Variants in CCDC141 observed in about 807,000 individuals in gnomAD.
CCDC141 encodes the protein coiled-coil domain-containing protein 141.
Under a neutral mutation model 181.0 loss-of-function variants are expected in CCDC141, and 168 were observed. That is an observed-to-expected ratio of 0.93 (90% CI 0.82 to 1.05). The LOEUF (loss-of-function observed/expected upper bound fraction) is 1.05. Ranked by LOEUF, CCDC141 falls within the 50% of genes least tolerant of loss-of-function variation. The pLI, the probability that CCDC141 is intolerant of heterozygous loss-of-function variation, is 0.00. For missense variants in CCDC141, 1,902 were observed against 1,788.5 expected, an observed-to-expected ratio of 1.06 and a Z score of -1.14; for synonymous variants, 666 against 642.3, an observed-to-expected ratio of 1.04 and a Z score of -0.56.
intron 6 of CCDC141, among the ~76,000 whole-genome samples, chr2:178,929,629 CA>C (rs538597162): frequency 2.4e-4 from 37 of 152,026 alleles, no homozygotes; most frequent in Non-Finnish European, 5.4e-4. Flanking sequence ...CAAACAACAA[CA>C]AAAAAATTAA....
intron 8 of CCDC141, among the ~76,000 whole-genome samples, chr2:178,893,744 T>C (rs1351243215): frequency 6.6e-6 from 1 of 151,964 alleles, no homozygotes; most frequent in Admixed American, 6.6e-5. Context: ...TAAATTTGAT[T>C]CTTATTTAAG....
chr2:178,828,782 G>A (rs946504545), downstream of CCDC141, among the ~76,000 whole-genome samples: 10 of 152,272 alleles, frequency 6.6e-5, no homozygotes, highest in Non-Finnish European at 1.5e-4. Flanking sequence ...CATAATATGC[G>A]TTGGAGACAA....
At chr2:178,944,437 A>G in intron 6 of CCDC141, 98 bp downstream of exon 6, 1 of 484,734 alleles carries the variant, frequency 2.1e-6, no homozygotes, top group Non-Finnish European at 3.5e-6. Flanking sequence ...TTAATCAAAG[A>G]CAGTTCTCAG....
In CCDC141 at chr2:178,961,380, A is replaced by T; in HGVS notation, c.630T>A (p.Thr210=). 1 of 1,550,608 alleles carries T rather than the reference A, an allele frequency of 6.4e-7. No homozygotes were observed. The highest frequency in any genetic ancestry group is 8.7e-7 in the Non-Finnish European group (1 of 1,146,970). The change falls in exon 5 of 24, where the codon ACT becomes ACA. Residue 210 remains threonine (T), a synonymous_variant. Transcript: ENST00000443758. Reference sequence around the variant, plus strand: ...TCAGACAGCTGCTATGAGCTCCCTGAGTCAACTCAGGATTCACATTAGGTC... The same window carrying T: ...TCAGACAGCTGCTATGAGCTCCCTGTGTCAACTCAGGATTCACATTAGGTC... ...CEGPNVNPEL[T]QGAHSSCLKV...
intron 12 of CCDC141, chr2:178,877,730 C>T: frequency 1.8e-6 from 1 of 557,974 alleles, no homozygotes; most frequent in East Asian, 3.1e-5. Context: ...ATTTGGATTA[C>T]AGTCACTTTC....
At chr2:178,993,554 G>C (rs1448482422) in intron 2 of CCDC141, among the ~76,000 whole-genome samples, 1 of 152,172 alleles carries the variant, frequency 6.6e-6, no homozygotes, top group Non-Finnish European at 1.5e-5. Context: ...TTCAAGATGA[G>C]ATTTGGGTGG....
At chr2:178,942,902 T>C (rs1043932455) in intron 6 of CCDC141, among the ~76,000 whole-genome samples, 11 of 152,196 alleles carry the variant, frequency 7.2e-5, no homozygotes, top group African/African-American at 1.4e-4. Flanking sequence ...AATATCTATA[T>C]GCTTTTTTGT....
At chr2:178,905,303 C>A in intron 8 of CCDC141, 26 bp downstream of exon 8, 4 of 1,525,604 alleles carry the variant, frequency 2.6e-6, no homozygotes, top group Non-Finnish European at 3.5e-6. Context: ...GCTTGTTACA[C>A]TGAGAAAGAA....
At chr2:179,022,406 A>C (rs1177529648) in intron 2 of CCDC141, among the ~76,000 whole-genome samples, 2 of 152,174 alleles carry the variant, frequency 1.3e-5, no homozygotes, top group Non-Finnish European at 2.9e-5. Flanking sequence ...AAATACGAGC[A>C]CTAAGCTAAC....
chr2:178,855,857 T>G (rs1013465365), intron 18 of CCDC141, among the ~76,000 whole-genome samples: 2 of 152,166 alleles, frequency 1.3e-5, no homozygotes, highest in African/African-American at 4.8e-5. Flanking sequence ...GAAAAGGCAT[T>G]CAAATAATCC....
intron 6 of CCDC141, among the ~76,000 whole-genome samples, chr2:178,940,428 G>A (rs143484766): frequency 6.6e-5 from 10 of 152,214 alleles, no homozygotes; most frequent in African/African-American, 1.9e-4. Flanking sequence ...ATGGAAACAC[G>A]TAACTCTGTA....
At chr2:178,860,142 A>G (rs1218271318) in intron 17 of CCDC141, among the ~76,000 whole-genome samples, 1 of 152,112 alleles carries the variant, frequency 6.6e-6, no homozygotes, top group African/African-American at 2.4e-5. Context: ...CATTTTATTC[A>G]CTCCAGAAAA....
At chr2:178,828,816 C>A (rs1405297486), downstream of CCDC141, among the ~76,000 whole-genome samples, 2 of 152,036 alleles carry the variant, frequency 1.3e-5, no homozygotes, top group Non-Finnish European at 2.9e-5. Flanking sequence ...AAGTAGGTCC[C>A]TTTATATTTC....
chr2:178,853,546 C>A lies in CCDC141; in HGVS notation c.3139G>T (p.Ala1047Ser), dbSNP rs1461138909. The A allele has an allele frequency of 1.2e-6, 2 of 1,614,014 alleles. No individual in the cohort carries two copies. Among genetic ancestry groups the A allele is most frequent in the African/African-American group, 1.3e-5 (1 of 74,946 alleles). Residue 1047 changes from alanine to serine, a missense_variant, in exon 20 of 24, where the codon GCT becomes TCT. By Grantham distance (99) the Ala-to-Ser change is moderately conservative. Coordinates refer to ENST00000443758, the MANE Select transcript of CCDC141 (RefSeq NM_173648.4). ...KYSTECKTKE[A>S]VKILHQQFNK... is the part of the protein sequence containing the mutation. ...AACTGCTGGTGGAGAATTTTCACAG[C>A]TTCCTTTGTCTTGCACTCTGTGGAA...
At chr2:178,907,684 C>T (rs1688032988) in intron 7 of CCDC141, among the ~76,000 whole-genome samples, 1 of 152,084 alleles carries the variant, frequency 6.6e-6, no homozygotes, top group Non-Finnish European at 1.5e-5. Flanking sequence ...CCAAGTGCAA[C>T]AAAATGTTGA....
At chr2:178,865,743 A>G in intron 17 of CCDC141, 24 bp downstream of exon 17, 3 of 1,453,384 alleles carry the variant, frequency 2.1e-6, no homozygotes, top group Non-Finnish European at 2.7e-6. Context: ...GCAATGTGCC[A>G]GTTCTCACCC....
At chr2:178,819,669 A>C in the CCDC141 span, among the ~76,000 whole-genome samples, 1 of 152,134 alleles carries the variant, frequency 6.6e-6, no homozygotes, top group Non-Finnish European at 1.5e-5. Context: ...TGGAGGTGCT[A>C]ATGACATCTA....
At chr2:178,915,337 TTTTTA>T (rs1198360113) in intron 7 of CCDC141, among the ~76,000 whole-genome samples, 20 of 152,342 alleles carry the variant, frequency 1.3e-4, no homozygotes, top group South Asian at 6.2e-4. Context: ...ATATTTATTC[TTTTTA>T]TTTTAACTAA....
intron 19 of CCDC141, among the ~76,000 whole-genome samples, chr2:178,855,122 T>C (rs958425300): frequency 4.6e-5 from 7 of 152,184 alleles, no homozygotes; most frequent in Non-Finnish European, 1.0e-4. Flanking sequence ...AGTAAAGACT[T>C]TTCTCAAGAG....
Sources: gnomAD v4.1 joint callset for allele counts (sites outside exome capture counted in the v4.1 genomes callset) on GRCh38, gnomAD v4.1.1 for gene constraint, MANE v1.5 for transcripts, NCBI Gene and HGNC (gene_info 2026-07-23, HGNC 2026-07-21) for gene names.